TBC1D5: variants seen among roughly 807,000 people sequenced by gnomAD.
The protein encoded by TBC1D5 is TBC1 domain family member 5, also known as TBC1 domain family, member 5.
A neutral mutation model predicts 100.3 loss-of-function variants in TBC1D5; 75 were observed. The observed-to-expected ratio is 0.75, with a 90% CI of 0.62 to 0.91. The LOEUF is 0.91. TBC1D5 is among the 40% of genes least tolerant of loss of function. The probability of loss-of-function intolerance (pLI) is 0.00; values close to 1 mark genes in which losing one functional copy is unlikely to be tolerated. For missense variants in TBC1D5, 910 were observed against 942.4 expected, an observed-to-expected ratio of 0.97 and a Z score of 0.45; for synonymous variants, 323 against 325.6, an observed-to-expected ratio of 0.99 and a Z score of 0.09.
At chr3:17,691,530 G>C (rs2071158142) in intron 1 of TBC1D5, among the ~76,000 whole-genome samples, 1 of 152,114 alleles carries the variant, frequency 6.6e-6, no homozygotes. Context: ...GAAAGAAAAT[G>C]ACTTCAGGCC....
At position 17,157,617 on chromosome 3, in the gene TBC1D5, T is replaced by C. The variant is rs2065698678; in HGVS notation, c.*3346A>G. 2.6e-5 allele frequency: 4 copies of C among 152,270 alleles called. No individual in the cohort carries two copies. In the South Asian group the frequency reaches 8.3e-4, roughly 32 times the overall value. The allele number at this position is 152,270 out of a possible 1,614,324, so 9.4% of individuals were successfully genotyped here. A position where few individuals can be genotyped will look rare whatever the true frequency, so the allele number is the denominator to read the frequency against. ...CGCAGGAAAGGAGGGATGGAATTGG[T>C]TGGAGCCGCCACAGAACGGCCACTC... On this transcript the variant is annotated 3_prime_UTR_variant, in exon 22 of 22. Coordinates refer to ENST00000253692, the Ensembl canonical transcript of TBC1D5.
intron 13 of TBC1D5, among the ~76,000 whole-genome samples, chr3:17,333,616 A>AGGGAGCAG (rs1377810593): frequency 6.6e-6 from 1 of 152,176 alleles, no homozygotes; most frequent in Non-Finnish European, 1.5e-5. Context: ...CAGTCTTGGA[A>AGGGAGCAG]GGGAGCAGAG....
chr3:17,642,167 T>A (rs1407141345), intron 1 of TBC1D5, among the ~76,000 whole-genome samples: 1 of 152,092 alleles, frequency 6.6e-6, no homozygotes. Flanking sequence ...ACTCACAACA[T>A]CCTTCCAAAG....
At chr3:17,239,009 C>T (rs1215497978) in intron 16 of TBC1D5, among the ~76,000 whole-genome samples, 1 of 152,160 alleles carries the variant, frequency 6.6e-6, no homozygotes, top group Non-Finnish European at 1.5e-5. Flanking sequence ...TCCTCCTTCT[C>T]CACTTCCCTG....
chr3:17,595,872 T>A (rs115369237), intron 2 of TBC1D5, among the ~76,000 whole-genome samples: 1,594 of 152,296 alleles, frequency 0.01, 25 homozygotes, highest in African/African-American at 0.036. Flanking sequence ...CAGTAATACC[T>A]ACCTTGCTAG....
chr3:17,719,592 T>G (rs537824859), intron 1 of TBC1D5, among the ~76,000 whole-genome samples: 6 of 152,164 alleles, frequency 3.9e-5, no homozygotes, highest in Non-Finnish European at 8.8e-5. Context: ...AAACTCTACT[T>G]AACAAACAAT....
At chr3:17,609,861 T>C (rs2061558530) in intron 2 of TBC1D5, among the ~76,000 whole-genome samples, 1 of 152,178 alleles carries the variant, frequency 6.6e-6, no homozygotes, top group South Asian at 2.1e-4. Flanking sequence ...CACTCACCAC[T>C]TCCAATCATT....
intron 2 of TBC1D5, among the ~76,000 whole-genome samples, chr3:17,583,755 C>T (rs1474710072): frequency 1.3e-5 from 2 of 152,032 alleles, no homozygotes; most frequent in African/African-American, 4.8e-5. Context: ...ACACTGCTGA[C>T]AGGAATGTAA....
At chr3:17,412,985 A>T (rs1345109139) in intron 4 of TBC1D5, among the ~76,000 whole-genome samples, 1 of 152,166 alleles carries the variant, frequency 6.6e-6, no homozygotes, top group African/African-American at 2.4e-5. Context: ...ATAACTTTTT[A>T]CTAGTTGGAC....
At chr3:17,482,744 A>C (rs2095515617) in intron 3 of TBC1D5, among the ~76,000 whole-genome samples, 1 of 152,240 alleles carries the variant, frequency 6.6e-6, no homozygotes, top group African/African-American at 2.4e-5. Flanking sequence ...GAACTATTTT[A>C]TATGGCTATT....
Position 17,370,047 on chromosome 3 carries a change from G to T in TBC1D5, c.995+2028C>A, listed in dbSNP as rs2092377821. ...TGTCATGGATCATGGAATTTTAATG[G>T]GAAGGTACTGGTCAAAATGCCAAAG... On this transcript the variant is annotated intron_variant, in intron 13 of 21. Transcript: ENST00000253692. Among the ~76,000 whole-genome samples, 3 of 152,054 alleles carry T rather than the reference G, an allele frequency of 2.0e-5. No individual in the cohort carries two copies. In the South Asian group the frequency reaches 6.2e-4, roughly 32 times the overall value.
intron 1 of TBC1D5, among the ~76,000 whole-genome samples, chr3:17,714,359 T>C (rs1208681569): frequency 4.6e-5 from 7 of 152,034 alleles, no homozygotes; most frequent in African/African-American, 1.7e-4. Context: ...ATTAGGAGCA[T>C]AGAGGGGAAT....
At chr3:17,614,669 C>T (rs2061986776) in intron 2 of TBC1D5, among the ~76,000 whole-genome samples, 1 of 152,114 alleles carries the variant, frequency 6.6e-6, no homozygotes, top group Admixed American at 6.5e-5. Context: ...GGAGTTCACT[C>T]ATGATTTGGC....
At chr3:17,347,581 C>G (rs17043444) in intron 13 of TBC1D5, among the ~76,000 whole-genome samples, 9,217 of 151,766 alleles carry the variant, frequency 0.061, 544 homozygotes, top group African/African-American at 0.15. Context: ...AATAAACATG[C>G]CTCACTTTCT....
intron 2 of TBC1D5, among the ~76,000 whole-genome samples, chr3:17,546,331 C>A (rs578121491): frequency 6.6e-6 from 1 of 152,188 alleles, no homozygotes; most frequent in Non-Finnish European, 1.5e-5. Flanking sequence ...TTTTATATTG[C>A]GCACTGGACT....
At chr3:17,597,689 T>G (rs901677876) in intron 2 of TBC1D5, among the ~76,000 whole-genome samples, 1 of 152,144 alleles carries the variant, frequency 6.6e-6, no homozygotes, top group Non-Finnish European at 1.5e-5. Flanking sequence ...AAACATAACT[T>G]CCAAAATGAC....
chr3:17,375,426 G>A (rs954559616), intron 10 of TBC1D5, among the ~76,000 whole-genome samples: 1 of 151,968 alleles, frequency 6.6e-6, no homozygotes, highest in Non-Finnish European at 1.5e-5. Context: ...AATTAGCTGG[G>A]CGAGGTGGTG....
At chr3:17,723,936 T>C (rs1449314287) in intron 1 of TBC1D5, among the ~76,000 whole-genome samples, 1 of 151,964 alleles carries the variant, frequency 6.6e-6, no homozygotes, top group Non-Finnish European at 1.5e-5. Context: ...CTAGAACCAA[T>C]CAGAAAATAT....
intron 2 of TBC1D5, among the ~76,000 whole-genome samples, chr3:17,623,011 C>A (rs1036750365): frequency 2.0e-5 from 3 of 152,152 alleles, no homozygotes; most frequent in African/African-American, 7.2e-5. Flanking sequence ...TACTCCTGGG[C>A]CCCCAATAAA....
Sources: allele counts gnomAD v4.1 joint callset (sites outside exome capture counted in the v4.1 genomes callset), GRCh38; gene constraint gnomAD v4.1.1; transcripts MANE v1.5; gene names NCBI Gene and HGNC (gene_info 2026-07-23, HGNC 2026-07-21).